The following PCDHGA1 variants were observed in gnomAD, a reference collection of about 807,000 sequenced individuals.
The protein encoded by PCDHGA1 is protocadherin gamma subfamily A, 1.
In PCDHGA1, 32 loss-of-function variants were observed where a neutral mutation model predicts 58.0. The ratio of observed to expected loss-of-function variants is 0.55; its 90% CI spans 0.42 to 0.74. PCDHGA1 has a LOEUF of 0.74. PCDHGA1 is among the 30% of genes least tolerant of loss of function. The pLI, the probability that PCDHGA1 is intolerant of heterozygous loss-of-function variation, is 0.00. For missense variants in PCDHGA1, 1,205 were observed against 1,182.3 expected, an observed-to-expected ratio of 1.02 and a Z score of -0.28; for synonymous variants, 498 against 501.1, an observed-to-expected ratio of 0.99 and a Z score of 0.08.
At chr5:141,509,335 G>T (rs113423267) in intron 3 of PCDHGA1, among the ~76,000 whole-genome samples, 106 of 152,262 alleles carry the variant, frequency 7.0e-4, no homozygotes, top group African/African-American at 2.4e-3. Context: ...CTGCCAGCTG[G>T]GCCTGGGCTG....
At chr5:141,472,980 C>CAAAAAAAAAAAA (rs60579131) in intron 1 of PCDHGA1, among the ~76,000 whole-genome samples, 2 of 86,098 alleles carry the variant, frequency 2.3e-5, no homozygotes, top group African/African-American at 3.9e-5. Context: ...GAGTGAAACT[C>CAAAAAAAAAAAA]AAAAAAAAAA....
chr5:141,414,185 T>C lies in PCDHGA1; in HGVS notation c.2422-80622T>C, dbSNP rs374044785. ...GGAGCATATCTTGCAACTGCAAAAG[T>C]GTTGATTACAGTAGAAGATGTAAAT... On this transcript the variant is annotated intron_variant, in intron 1 of 3. Transcript: ENST00000517417. The C allele has an allele frequency of 1.2e-5, 19 of 1,609,558 alleles. No homozygotes were observed. The highest frequency in any genetic ancestry group is 1.6e-5 in the Non-Finnish European group (19 of 1,177,778).
intron 1 of PCDHGA1, among the ~76,000 whole-genome samples, chr5:141,470,888 T>C (rs2099243463): frequency 6.6e-6 from 1 of 151,912 alleles, no homozygotes; most frequent in Non-Finnish European, 1.5e-5. Context: ...GTTTTTGTTT[T>C]TGTTTTTTGT....
intron 1 of PCDHGA1, chr5:141,413,040 C>G: frequency 1.2e-6 from 1 of 840,546 alleles, no homozygotes; most frequent in Non-Finnish European, 1.8e-6. Flanking sequence ...GGCTGCTGGG[C>G]TGCAGGGAAG....
intron 1 of PCDHGA1, among the ~76,000 whole-genome samples, chr5:141,368,503 C>T (rs1016436156): frequency 3.3e-5 from 5 of 151,860 alleles, no homozygotes; most frequent in African/African-American, 7.3e-5. Flanking sequence ...CAGTAGGTGT[C>T]GACATTATTC....
chr5:141,375,816 C>G, intron 1 of PCDHGA1: 2 of 1,614,194 alleles, frequency 1.2e-6, no homozygotes, highest in South Asian at 2.2e-5. Flanking sequence ...GTGGAGCTGG[C>G]GCCCCGCTCC....
rs974732178 is a variant in PCDHGA1 at position 141,374,708 on chromosome 5, C to A, written c.2421+41603C>A. On this transcript the variant is annotated intron_variant, in intron 1 of 3. Coordinates refer to ENST00000517417, the MANE Select transcript of PCDHGA1 (RefSeq NM_018912.3). ...GGACCGGGAAGGAGAAGCCGTTTACCGCCTGGTCCTTACTGCCATGGATGG... is the reference window on the plus strand; with the variant it reads ...GGACCGGGAAGGAGAAGCCGTTTACAGCCTGGTCCTTACTGCCATGGATGG... 1.8e-5 allele frequency: 29 copies of A among 1,609,028 alleles called. No individual in the cohort carries two copies. In the Admixed American group the frequency reaches 3.1e-4, roughly 17 times the overall value.
chr5:141,400,650 C>T, intron 1 of PCDHGA1: 13 of 1,174,166 alleles, frequency 1.1e-5, no homozygotes, highest in Non-Finnish European at 1.6e-5. Context: ...AGAAAGCTGT[C>T]CTACCATTCT....
chr5:141,423,678 G>A (rs1161093615), intron 1 of PCDHGA1: 3 of 1,496,158 alleles, frequency 2.0e-6, no homozygotes, highest in Non-Finnish European at 2.7e-6. Flanking sequence ...TTATTTCTCT[G>A]CCTCCTAATT....
rs138408376 is a variant in PCDHGA1 at position 141,421,859 on chromosome 5, T to C, written c.2422-72948T>C. The stretch of plus-strand genomic sequence containing the variant: ...CGAGAGAAAGAGGCTGCTCACCTGC[T>C]CCTCCTCACAGCTTTAGATGGAGGC... On this transcript the variant is annotated intron_variant, in intron 1 of 3. Coordinates refer to ENST00000517417, the MANE Select transcript of PCDHGA1 (RefSeq NM_018912.3). The C allele has an allele frequency of 1.7e-3, 2,741 of 1,613,710 alleles. 8 individuals carry two copies. Among genetic ancestry groups the C allele is most frequent in the Middle Eastern group, 8.1e-3 (49 of 6,062 alleles).
intron 1 of PCDHGA1, among the ~76,000 whole-genome samples, chr5:141,368,739 A>G (rs1261663293): frequency 6.6e-6 from 1 of 152,196 alleles, no homozygotes; most frequent in Non-Finnish European, 1.5e-5. Context: ...TATATACCAT[A>G]TACTTTTAAA....
intron 1 of PCDHGA1, among the ~76,000 whole-genome samples, chr5:141,460,995 A>G (rs566978077): frequency 1.1e-4 from 17 of 150,188 alleles, no homozygotes; most frequent in South Asian, 2.1e-4. Flanking sequence ...ATATATATAT[A>G]TGTGTATATA....
At chr5:141,478,142 G>C in intron 1 of PCDHGA1, 1 of 1,613,988 alleles carries the variant, frequency 6.2e-7, no homozygotes, top group South Asian at 1.1e-5. Flanking sequence ...AGCCCGAGCC[G>C]AGTTCCCCTC....
chr5:141,413,042 G>T, intron 1 of PCDHGA1: 1 of 857,566 alleles, frequency 1.2e-6, no homozygotes, highest in Non-Finnish European at 1.7e-6. Context: ...CTGCTGGGCT[G>T]CAGGGAAGCT....
At chr5:141,482,530 C>CAAAAAA (rs3074545) in intron 1 of PCDHGA1, among the ~76,000 whole-genome samples, 68 of 76,370 alleles carry the variant, frequency 8.9e-4, no homozygotes, top group African/African-American at 1.2e-3. Context: ...GACAGACATG[C>CAAAAAA]AAAAAAAAAA....
chr5:141,414,357 A>G, intron 1 of PCDHGA1: 3 of 1,613,888 alleles, frequency 1.9e-6, no homozygotes, highest in Non-Finnish European at 2.5e-6. Flanking sequence ...TGGCGTATCT[A>G]CCATTTAAAT....
chr5:141,374,827 T>G, intron 1 of PCDHGA1: 1 of 1,613,964 alleles, frequency 6.2e-7, no homozygotes, highest in Non-Finnish European at 8.5e-7. Flanking sequence ...CTGTCTACCG[T>G]GTAAGTGTTC....
chr5:141,393,475 C>G lies in PCDHGA1; in HGVS notation c.2421+60370C>G, dbSNP rs200282311. The G allele has an allele frequency of 1.2e-3, 1,881 of 1,614,046 alleles. 9 individuals are homozygous for G. Among genetic ancestry groups the G allele is most frequent in the South Asian group, 3.4e-3 (312 of 91,088 alleles). On this transcript the variant is annotated intron_variant, in intron 1 of 3. Coordinates refer to ENST00000517417, the MANE Select transcript of PCDHGA1 (RefSeq NM_018912.3). ...ACGGCCTCGGATGGCGGCAAGCCGC[C>G]TCGCTCTAGCACAGTGCGCATCCAC... is the stretch of plus-strand genomic sequence containing the variant.
intron 1 of PCDHGA1, chr5:141,415,317 G>T (rs778236674): frequency 6.2e-7 from 1 of 1,614,218 alleles, no homozygotes; most frequent in Non-Finnish European, 8.5e-7. Flanking sequence ...TCGTCATCGT[G>T]CTGCTGGCGC....
Sources: gnomAD v4.1 joint callset for allele counts (sites outside exome capture counted in the v4.1 genomes callset) on GRCh38, gnomAD v4.1.1 for gene constraint, MANE v1.5 for transcripts, NCBI Gene and HGNC (gene_info 2026-07-23, HGNC 2026-07-21) for gene names.